The following GET1 variants were observed in gnomAD, a reference collection of about 807,000 sequenced individuals.
GET1 encodes congenital heart disease 5 protein.
In GET1, 20 loss-of-function variants were observed where a neutral mutation model predicts 22.6. That is an observed-to-expected ratio of 0.89 (90% confidence interval 0.62 to 1.29). GET1 has a LOEUF of 1.29. Ranked by LOEUF, GET1 falls within the 50% of genes most tolerant of loss-of-function variation. The probability of loss-of-function intolerance (pLI) is 0.00; values close to 1 mark genes in which losing one functional copy is unlikely to be tolerated. For missense variants in GET1, 209 were observed against 219.9 expected (o/e 0.95, Z 0.31); for synonymous variants, 92 against 83.8 (o/e 1.10, Z -0.53).
At chr21:39,403,276 G>C (rs1028307292) in intron 4 of GET1, among the ~76,000 whole-genome samples, 2 of 152,068 alleles carry the variant, frequency 1.3e-5, no homozygotes, top group African/African-American at 4.8e-5. Context: ...TTTCATAAAC[G>C]ATCAAAGCAT....
intron 1 of GET1, among the ~76,000 whole-genome samples, chr21:39,414,742 C>CTCTCTCTGTGTGTGTGTGTG (rs1341489035): frequency 3.0e-5 from 3 of 99,178 alleles, no homozygotes; most frequent in Admixed American, 1.1e-4. Context: ...CTCTCTCTCT[C>CTCTCTCTGTGTGTGTGTGTG]TGTGTGTGTG....
chr21:39,397,349 CTTAATT>C lies in GET1; in HGVS notation c.*416_*421del, dbSNP rs1247151507. The C allele has an allele frequency of 2.5e-5, 4 of 160,920 alleles. No homozygotes were observed. The highest frequency in any genetic ancestry group is 1.3e-4 in the Admixed American group (2 of 15,824). The allele number at this position is 160,920 out of a possible 1,614,324, so 10.0% of individuals were successfully genotyped here. A position where few individuals can be genotyped will look rare whatever the true frequency, so the allele number is the denominator to read the frequency against. Reference sequence around the variant, plus strand: ...GTTTTTAATCCAGTTTAGAAAGTAACTTAATTTTAATACCACTACTAAAAATTCGAA... The same window carrying C: ...GTTTTTAATCCAGTTTAGAAAGTAACTTAATACCACTACTAAAAATTCGAA... On this transcript the variant is annotated 3_prime_UTR_variant, in exon 5 of 5. Transcript: ENST00000649170.
intron 4 of GET1, among the ~76,000 whole-genome samples, chr21:39,403,462 G>C (rs562335714): frequency 4.6e-5 from 7 of 151,814 alleles, no homozygotes; most frequent in Non-Finnish European, 8.8e-5. Flanking sequence ...CAGTAGCTGG[G>C]ACTAAAGGCG....
intron 1 of GET1, among the ~76,000 whole-genome samples, chr21:39,417,320 A>T (rs146234593): frequency 5.9e-5 from 9 of 152,164 alleles, no homozygotes; most frequent in South Asian, 2.1e-4. Flanking sequence ...GATTACAGGC[A>T]TGAGCCACTG....
intron 1 of GET1, among the ~76,000 whole-genome samples, chr21:39,416,246 G>A (rs577006252): frequency 6.6e-6 from 1 of 152,316 alleles, no homozygotes; most frequent in East Asian, 1.9e-4. Flanking sequence ...TCCTCCACAA[G>A]TGACTCATCG....
chr21:39,384,407 C>T (rs909684388), intron 1 of GET1, among the ~76,000 whole-genome samples: 1 of 151,786 alleles, frequency 6.6e-6, no homozygotes, highest in Admixed American at 6.6e-5. Context: ...CATGCATGCA[C>T]CACCACACCT....
At chr21:39,395,134 C>G (rs918801177) in intron 4 of GET1, among the ~76,000 whole-genome samples, 7 of 152,188 alleles carry the variant, frequency 4.6e-5, no homozygotes, top group African/African-American at 1.7e-4. Flanking sequence ...CTCAGCCTCT[C>G]AAAGTGCTGG....
chr21:39,423,247 T>C, intron 1 of GET1: 3 of 1,610,240 alleles, frequency 1.9e-6, no homozygotes, highest in Non-Finnish European at 2.5e-6. Flanking sequence ...TGAATTCTCA[T>C]ATTTTCCTAT....
intron 1 of GET1, among the ~76,000 whole-genome samples, chr21:39,418,635 G>T (rs1173147219): frequency 6.6e-6 from 1 of 152,074 alleles, no homozygotes; most frequent in Non-Finnish European, 1.5e-5. Flanking sequence ...CAAGTAATGG[G>T]ATTACAGGCA....
At chr21:39,423,307 A>G in intron 1 of GET1, 1 of 1,610,760 alleles carries the variant, frequency 6.2e-7, no homozygotes, top group Non-Finnish European at 8.5e-7. Context: ...GTTTTCTGTA[A>G]GGATGGCTTC....
intron 1 of GET1, chr21:39,420,759 T>C (rs766722088): frequency 6.2e-7 from 1 of 1,613,654 alleles, no homozygotes; most frequent in Admixed American, 1.7e-5. Flanking sequence ...TTGGTAGCTG[T>C]CTGAGCTGCT....
chr21:39,391,218 ACT>A, intron 2 of GET1: 1 of 230,102 alleles, frequency 4.3e-6, no homozygotes, highest in Non-Finnish European at 8.7e-6. Context: ...CTTTTGTTCC[ACT>A]CTCTAGAAAA....
chr21:39,402,293 C>CG (rs2038859841), downstream of GET1, among the ~76,000 whole-genome samples: 1 of 152,016 alleles, frequency 6.6e-6, no homozygotes, highest in South Asian at 2.1e-4. Flanking sequence ...TAGTAAGAGA[C>CG]GGGGTTTCAC....
intron 1 of GET1, among the ~76,000 whole-genome samples, chr21:39,384,712 TCTCC>T (rs1431825300): frequency 2.0e-5 from 3 of 152,044 alleles, no homozygotes; most frequent in African/African-American, 4.8e-5. Flanking sequence ...TTCCTGATTG[TCTCC>T]CTCCCACCCC....
At chr21:39,391,622 C>A (rs1366618127) in intron 2 of GET1, 147 bp from the exon 3 acceptor site, 56 of 748,834 alleles carry the variant, frequency 7.5e-5, no homozygotes, top group Admixed American at 1.5e-4. Flanking sequence ...CTTAAAAATT[C>A]TATTTTATAT....
Position 39,380,402 on chromosome 21 carries a change from C to T in GET1, c.18C>T (p.Ala6=), listed in dbSNP as rs778575304. 1 of 1,610,006 alleles carries T rather than the reference C, an allele frequency of 6.2e-7. No individual in the cohort carries two copies. Among genetic ancestry groups the T allele is most frequent in the East Asian group, 2.2e-5 (1 of 44,790 alleles). The part of the protein sequence containing the change: MSSAA[A]DHWAWLLVLS... ...CGTCCGGGATGAGCTCAGCCGCGGC[C>T]GACCACTGGGCGTGGTTGCTGGTGC... The change falls in exon 1 of 5, where the codon GCC becomes GCT. Residue 6 remains alanine (A), a synonymous_variant. Coordinates refer to ENST00000649170, the MANE Select transcript of GET1 (RefSeq NM_004627.6).
chr21:39,413,447 A>G (rs186468364), intron 1 of GET1, among the ~76,000 whole-genome samples: 3 of 152,358 alleles, frequency 2.0e-5, no homozygotes, highest in Admixed American at 6.5e-5. Flanking sequence ...CTCATAAGGA[A>G]GTATGGCTTA....
chr21:39,393,391 G>A (rs371402200), intron 4 of GET1, 111 bp downstream of exon 4: 2 of 847,388 alleles, frequency 2.4e-6, no homozygotes, highest in Non-Finnish European at 3.7e-6. Context: ...TTTAGTGAGC[G>A]GGGTTTTGTG....
At chr21:39,410,728 G>T, downstream of GET1, 3 of 423,000 alleles carry the variant, frequency 7.1e-6, no homozygotes, top group Non-Finnish European at 9.5e-6. Context: ...TCAGTGGTTA[G>T]ACTGTCCATG....
Sources: gnomAD v4.1 joint callset for allele counts (sites outside exome capture counted in the v4.1 genomes callset) on GRCh38, gnomAD v4.1.1 for gene constraint, MANE v1.5 for transcripts, NCBI Gene and HGNC (gene_info 2026-07-23, HGNC 2026-07-21) for gene names.